Variants in HTR2C observed in about 807,000 individuals in gnomAD.
HTR2C encodes the protein 5-hydroxytryptamine receptor 2C, also known as 5-hydroxytryptamine (serotonin) receptor 2C, G protein-coupled.
In HTR2C, 5 loss-of-function variants were observed where a neutral mutation model predicts 21.0. That is an observed-to-expected ratio of 0.24 (90% CI 0.12 to 0.50). The LOEUF (loss-of-function observed/expected upper bound fraction) is 0.50, where lower values mean the gene tolerates loss of function less well. Among genes scored for constraint, HTR2C ranks in the 20% least tolerant of loss-of-function variants. The pLI, the probability that HTR2C is intolerant of heterozygous loss-of-function variation, is 0.98. For synonymous variants in HTR2C, 150 were observed against 145.3 expected, an observed-to-expected ratio of 1.03 and a Z score of -0.23; for missense variants, 271 against 371.2, an observed-to-expected ratio of 0.73 and a Z score of 2.22.
At chrX:114,758,774 G>A (rs1556431306) in intron 4 of HTR2C, among the ~76,000 whole-genome samples, 1 of 111,321 alleles carries the variant, frequency 9.0e-6, no homozygotes, top group Non-Finnish European at 1.9e-5. Flanking sequence ...CTGATACAGA[G>A]GTAAGAATTA....
chrX:114,736,035 C>T (rs1190541700), intron 4 of HTR2C, among the ~76,000 whole-genome samples: 2 of 109,843 alleles, frequency 1.8e-5, no homozygotes, highest in Admixed American at 1.9e-4. Flanking sequence ...ACGGTGTGAA[C>T]CTGGGAGGCG....
chrX:114,806,096 A>G (rs1556449290), intron 4 of HTR2C, among the ~76,000 whole-genome samples: 2 of 101,669 alleles, frequency 2.0e-5, no homozygotes, highest in African/African-American at 7.0e-5. Context: ...TACCACATAT[A>G]TACACCATAT....
In HTR2C at chrX:114,803,639, G is replaced by A. The variant is rs782596088; in HGVS notation, c.350-44364G>A. Among the ~76,000 whole-genome samples, 29 of 101,969 alleles carry A rather than the reference G, an allele frequency of 2.8e-4. No homozygotes were observed. In the East Asian group the frequency reaches 4.2e-3, roughly 15 times the overall value. The allele number at this position is 101,969 out of a possible 115,157, so 88.5% of individuals were successfully genotyped here. Reference sequence around the variant, plus strand: ...TGTAGATTCTGGATATTAGCCCTTTGTCAGATGAGTAGGTTGTGAAAATTT... The same window carrying A: ...TGTAGATTCTGGATATTAGCCCTTTATCAGATGAGTAGGTTGTGAAAATTT... On this transcript the variant is annotated intron_variant, in intron 4 of 5. Coordinates refer to ENST00000276198, the MANE Select transcript of HTR2C (RefSeq NM_000868.4).
chrX:114,793,837 G>A (rs1445297211), intron 4 of HTR2C, among the ~76,000 whole-genome samples: 1 of 110,145 alleles, frequency 9.1e-6, no homozygotes, highest in Non-Finnish European at 1.9e-5. Context: ...AGCTAGAGTG[G>A]TGAATATAAA....
chrX:114,623,601 T>C (rs1248390580), intron 2 of HTR2C, among the ~76,000 whole-genome samples: 1 of 111,863 alleles, frequency 8.9e-6, no homozygotes, highest in Non-Finnish European at 1.9e-5. Context: ...CCCTGGATAA[T>C]GAACTTGATG....
chrX:114,783,021 G>A (rs1329514444), intron 4 of HTR2C, among the ~76,000 whole-genome samples: 1 of 110,462 alleles, frequency 9.1e-6, no homozygotes, highest in Non-Finnish European at 1.9e-5. Context: ...AGAAAGGAAA[G>A]GAAACAAAAA....
At chrX:114,585,281 C>T (rs1556389268) in intron 1 of HTR2C, among the ~76,000 whole-genome samples, 1 of 111,475 alleles carries the variant, frequency 9.0e-6, no homozygotes, top group Non-Finnish European at 1.9e-5. Flanking sequence ...TGTGTTTGGT[C>T]TAACAGCTGT....
In HTR2C at chrX:114,907,040, T is replaced by G. The variant is rs143723100; in HGVS notation, c.1002T>G (p.Ser334=). ...CATTTTTCATTACCAATATTCTGTC[T>G]GTTCTTTGTGAGAAGTCCTGTAACC... is the stretch of plus-strand genomic sequence containing the variant. ...WCPFFITNIL[S]VLCEKSCNQK... is the part of the protein sequence containing the mutation. The change falls in exon 6 of 6, where the codon TCT becomes TCG. Residue 334 remains serine (S), a synonymous_variant. Coordinates refer to ENST00000276198, the MANE Select transcript of HTR2C (RefSeq NM_000868.4). The G allele has an allele frequency of 8.3e-6, 10 of 1,208,713 alleles. No homozygotes were observed. The highest frequency in any genetic ancestry group is 1.1e-5 in the Non-Finnish European group (10 of 894,215).
At chrX:114,670,986 T>A (rs868964140) in intron 2 of HTR2C, among the ~76,000 whole-genome samples, 1 of 112,349 alleles carries the variant, frequency 8.9e-6, no homozygotes, top group Non-Finnish European at 1.9e-5. Context: ...TATCTATTCT[T>A]GGTTTTATGA....
intron 5 of HTR2C, among the ~76,000 whole-genome samples, chrX:114,881,877 C>G (rs989808051): frequency 4.6e-5 from 5 of 109,798 alleles, no homozygotes; most frequent in African/African-American, 1.6e-4. Flanking sequence ...ACAATTTCTA[C>G]AAAGAAGTCA....
chrX:114,625,589 G>A (rs1448630229), intron 2 of HTR2C, among the ~76,000 whole-genome samples: 1 of 111,971 alleles, frequency 8.9e-6, no homozygotes, highest in Non-Finnish European at 1.9e-5. Flanking sequence ...CTGGCACCAT[G>A]CTTCTTATAC....
chrX:114,737,146 A>C (rs1354612382), intron 4 of HTR2C, among the ~76,000 whole-genome samples: 1 of 110,695 alleles, frequency 9.0e-6, no homozygotes, highest in African/African-American at 3.3e-5. Flanking sequence ...GCAGTAATTG[A>C]CTGGGTAGAG....
rs2070469327 is a variant in HTR2C, at chrX:114,807,108, TGTATATATATA to T, written c.350-40894_350-40884del. ...ATATATATACCCCATATATACACCA[TGTATATATATA>T]CCATATATACACCATATATATACCA... On this transcript the variant is annotated intron_variant, in intron 4 of 5. Transcript: ENST00000276198. Among the ~76,000 whole-genome samples the T allele has an allele frequency of 9.2e-5, 2 of 21,732 alleles. 1 individual carries two copies. The highest frequency in any genetic ancestry group is 1.9e-3 in the Admixed American group (2 of 1,057). 18.9% of individuals were successfully genotyped at this position (21,732 alleles called of 115,157 possible).
intron 4 of HTR2C, 22 bp from the exon 5 acceptor site, chrX:114,847,981 T>C: frequency 8.6e-7 from 1 of 1,157,787 alleles, no homozygotes; most frequent in Non-Finnish European, 1.2e-6. Context: ...CGTGTTCTTG[T>C]CTTCTCTCTG....
chrX:114,850,926 C>A (rs1207839127), intron 5 of HTR2C, among the ~76,000 whole-genome samples: 1 of 110,771 alleles, frequency 9.0e-6, no homozygotes, highest in Non-Finnish European at 1.9e-5. Context: ...AAACACTATC[C>A]AAGAGAAAGA....
intron 2 of HTR2C, among the ~76,000 whole-genome samples, chrX:114,687,103 GA>G (rs34625906): frequency 0.13 from 14,043 of 111,127 alleles, 752 homozygotes; most frequent in South Asian, 0.31. Flanking sequence ...AAATTTAAAA[GA>G]TTATTCCTGT....
At chrX:114,649,553 C>A (rs1344712857) in intron 2 of HTR2C, among the ~76,000 whole-genome samples, 1 of 111,865 alleles carries the variant, frequency 8.9e-6, no homozygotes, top group African/African-American at 3.2e-5. Context: ...GGTCACAGAG[C>A]AAAGGTAATC....
intron 4 of HTR2C, among the ~76,000 whole-genome samples, chrX:114,748,819 T>C (rs782118329): frequency 9.0e-6 from 1 of 111,509 alleles, no homozygotes; most frequent in East Asian, 2.8e-4. Context: ...TGATATTGGG[T>C]TAGGCCAAGA....
At chrX:114,885,073 G>A (rs1021679003) in intron 5 of HTR2C, among the ~76,000 whole-genome samples, 1 of 110,516 alleles carries the variant, frequency 9.0e-6, no homozygotes, top group Non-Finnish European at 1.9e-5. Flanking sequence ...TAACTAATGG[G>A]TACTAAGCTT....
Sources: allele counts gnomAD v4.1 joint callset (sites outside exome capture counted in the v4.1 genomes callset), GRCh38; gene constraint gnomAD v4.1.1; transcripts MANE v1.5; gene names NCBI Gene and HGNC (gene_info 2026-07-23, HGNC 2026-07-21).